LRRC7: variants seen among roughly 807,000 people sequenced by gnomAD.
LRRC7 encodes the protein leucine-rich repeat-containing protein 7.
A neutral mutation model predicts 175.7 loss-of-function variants in LRRC7; 23 were observed. The observed-to-expected ratio is 0.13, with a 90% CI of 0.09 to 0.19. LRRC7 has a LOEUF of 0.19. Among genes scored for constraint, LRRC7 ranks in the 10% least tolerant of loss-of-function variants. LRRC7 has a pLI of 1.00. For synonymous variants in LRRC7, 685 were observed against 680.9 expected (o/e 1.01, Z -0.09); for missense variants, 1,354 against 1,904.7 (o/e 0.71, Z 5.38).
intron 7 of LRRC7, among the ~76,000 whole-genome samples, chr1:69,863,793 C>T (rs528339905): frequency 1.1e-3 from 172 of 152,298 alleles, no homozygotes; most frequent in African/African-American, 4.0e-3. Flanking sequence ...CACTCTGCCA[C>T]ACTCCACTCT....
At chr1:69,602,596 C>A (rs985170371) in intron 1 of LRRC7, among the ~76,000 whole-genome samples, 2 of 152,056 alleles carry the variant, frequency 1.3e-5, no homozygotes, top group African/African-American at 4.8e-5. Flanking sequence ...CAAGTTGTCA[C>A]AAACTGGGTA....
intron 7 of LRRC7, among the ~76,000 whole-genome samples, chr1:69,845,838 T>C (rs907810045): frequency 1.4e-4 from 21 of 152,168 alleles, no homozygotes; most frequent in African/African-American, 5.1e-4. Flanking sequence ...GTAACTGTAA[T>C]ACATAATTGG....
At chr1:69,932,007 AC>A (rs1014963577) in intron 8 of LRRC7, among the ~76,000 whole-genome samples, 21 of 152,218 alleles carry the variant, frequency 1.4e-4, no homozygotes, top group African/African-American at 3.6e-4. Context: ...GAAGTAAGTC[AC>A]CAATGGCATT....
intron 3 of LRRC7, among the ~76,000 whole-genome samples, chr1:69,789,612 A>G (rs993834199): frequency 1.3e-5 from 2 of 152,100 alleles, no homozygotes; most frequent in Non-Finnish European, 2.9e-5. Flanking sequence ...CTGTTTACCT[A>G]TTGAAGTTCC....
chr1:69,722,001 T>C (rs1490922181), intron 2 of LRRC7, among the ~76,000 whole-genome samples: 1 of 151,940 alleles, frequency 6.6e-6, no homozygotes, highest in Non-Finnish European at 1.5e-5. Flanking sequence ...ATCAAAAGCT[T>C]CTAAATGATA....
intron 11 of LRRC7, among the ~76,000 whole-genome samples, chr1:69,995,552 C>T (rs969833902): frequency 6.9e-6 from 1 of 145,374 alleles, no homozygotes. Flanking sequence ...ATCCCTCCCC[C>T]CTCCCCCAAC....
intron 1 of LRRC7, among the ~76,000 whole-genome samples, chr1:69,642,191 T>A (rs1322972587): frequency 1.3e-5 from 2 of 152,006 alleles, no homozygotes; most frequent in East Asian, 3.9e-4. Context: ...AATTTTCTTT[T>A]AATAAAAATA....
chr1:69,593,647 AAC>A (rs1371595631), intron 1 of LRRC7, among the ~76,000 whole-genome samples: 2 of 152,212 alleles, frequency 1.3e-5, no homozygotes, highest in African/African-American at 2.4e-5. Context: ...AAACTTACAA[AAC>A]ACAGCAGTTT....
intron 18 of LRRC7, among the ~76,000 whole-genome samples, chr1:70,033,690 C>A (rs6674401): frequency 0.33 from 50,543 of 151,858 alleles, 9,045 homozygotes; most frequent in East Asian, 0.52. Flanking sequence ...TGCAGAGTTC[C>A]GGTCATAATT....
intron 7 of LRRC7, among the ~76,000 whole-genome samples, chr1:69,898,577 C>T (rs1913272): frequency 0.4 from 61,275 of 152,118 alleles, 13,291 homozygotes; most frequent in East Asian, 0.55. Context: ...ACACTGAATG[C>T]CACAGTTTGC....
At chr1:69,812,156 A>G (rs1677967334) in intron 4 of LRRC7, among the ~76,000 whole-genome samples, 3 of 152,104 alleles carry the variant, frequency 2.0e-5, no homozygotes, top group African/African-American at 7.2e-5. Flanking sequence ...GGAGTTCCAG[A>G]AAGTTAAGGT....
intron 2 of LRRC7, among the ~76,000 whole-genome samples, chr1:69,706,451 A>G (rs1664052365): frequency 6.6e-6 from 1 of 152,182 alleles, no homozygotes; most frequent in South Asian, 2.1e-4. Flanking sequence ...GCCTTTTCAC[A>G]TTGGACTTTT....
chr1:69,723,290 G>GT (rs1409611655), intron 2 of LRRC7, among the ~76,000 whole-genome samples: 8 of 152,128 alleles, frequency 5.3e-5, no homozygotes, highest in African/African-American at 1.9e-4. Context: ...GACTTCATAC[G>GT]TTTTTTATAT....
chr1:70,124,104 C>G lies in LRRC7; in HGVS notation c.*2217C>G, dbSNP rs898802731. 6.6e-6 allele frequency among the ~76,000 whole-genome samples: 1 copy of G among 152,136 alleles called. No individual in the cohort carries two copies. Among genetic ancestry groups the G allele is most frequent in the Non-Finnish European group, 1.5e-5 (1 of 68,038 alleles). ...AGCCACTTCTTTAGTACTTCCTGTT[C>G]TGCAGTTCAGAAATGAGGAAAAGAG... is the stretch of plus-strand genomic sequence containing the variant. On this transcript the variant is annotated 3_prime_UTR_variant, in exon 27 of 27. Coordinates refer to ENST00000651989, the MANE Select transcript of LRRC7 (RefSeq NM_001370785.2).
intron 2 of LRRC7, among the ~76,000 whole-genome samples, chr1:69,751,128 GT>G (rs1314864981): frequency 6.6e-6 from 1 of 152,106 alleles, no homozygotes; most frequent in Non-Finnish European, 1.5e-5. Context: ...GTGTCAATAT[GT>G]AAAAAGGATA....
intron 2 of LRRC7, among the ~76,000 whole-genome samples, chr1:69,709,856 T>A (rs549065636): frequency 6.6e-6 from 1 of 152,242 alleles, no homozygotes; most frequent in South Asian, 2.1e-4. Flanking sequence ...GGAAGCAAGA[T>A]TTTTTAAGTT....
intron 23 of LRRC7, among the ~76,000 whole-genome samples, chr1:70,060,312 A>G (rs1348645124): frequency 1.3e-5 from 2 of 151,846 alleles, no homozygotes; most frequent in East Asian, 3.9e-4. Flanking sequence ...TGACAAGAGC[A>G]AAACTCCAAC....
chr1:70,043,833 T>A, intron 21 of LRRC7, 121 bp from the exon 22 acceptor site: 1 of 1,192,618 alleles, frequency 8.4e-7, no homozygotes, highest in Non-Finnish European at 1.2e-6. Context: ...GCATGTTTTT[T>A]TAAAAAGTTA....
intron 3 of LRRC7, among the ~76,000 whole-genome samples, chr1:69,768,689 C>A (rs1311340516): frequency 6.6e-6 from 1 of 152,160 alleles, no homozygotes; most frequent in South Asian, 2.1e-4. Context: ...TCTGCATATG[C>A]ATAAAACACA....
Sources: gnomAD v4.1 joint callset for allele counts (sites outside exome capture counted in the v4.1 genomes callset) on GRCh38, gnomAD v4.1.1 for gene constraint, MANE v1.5 for transcripts, NCBI Gene and HGNC (gene_info 2026-07-23, HGNC 2026-07-21) for gene names.